Variants in PCTP observed in about 807,000 individuals in gnomAD.
The protein encoded by PCTP is phosphatidylcholine transfer protein.
A neutral mutation model predicts 31.0 loss-of-function variants in PCTP; 27 were observed. The ratio of observed to expected loss-of-function variants is 0.87; its 90% CI spans 0.64 to 1.20. The LOEUF is 1.20. PCTP is among the 50% of genes most tolerant of loss of function. PCTP has a pLI of 0.00. For synonymous variants in PCTP, 108 were observed against 101.2 expected, an observed-to-expected ratio of 1.07 and a Z score of -0.40; for missense variants, 287 against 268.2, an observed-to-expected ratio of 1.07 and a Z score of -0.49.
chr17:55,758,072 G>A (rs1220632126), intron 1 of PCTP, among the ~76,000 whole-genome samples: 5 of 152,166 alleles, frequency 3.3e-5, no homozygotes, highest in African/African-American at 1.2e-4. Flanking sequence ...TTCAGGCTTC[G>A]TTACCATGCC....
chr17:55,782,975 A>G (rs9898247), intron 2 of PCTP, among the ~76,000 whole-genome samples: 6,438 of 152,250 alleles, frequency 0.042, 444 homozygotes, highest in African/African-American at 0.14. Context: ...AAAATATTCT[A>G]AAGTATCTGC....
intron 3 of PCTP, among the ~76,000 whole-genome samples, chr17:55,803,218 A>G (rs1353840482): frequency 4.6e-5 from 7 of 152,192 alleles, no homozygotes; most frequent in Admixed American, 4.6e-4. Flanking sequence ...GAGGACATAA[A>G]CAAATGGAAA....
At chr17:55,851,336 A>G in the PCTP span, among the ~76,000 whole-genome samples, 3 of 152,134 alleles carry the variant, frequency 2.0e-5, no homozygotes, top group African/African-American at 7.2e-5. Context: ...AGAGTTAAAG[A>G]TTTTTTAGAA....
chr17:55,839,593 C>T (rs1905892113), intron 5 of PCTP, among the ~76,000 whole-genome samples: 1 of 152,132 alleles, frequency 6.6e-6, no homozygotes, highest in Non-Finnish European at 1.5e-5. Flanking sequence ...GGGTGCAGGA[C>T]GAGTGTCCTC....
chr17:55,772,220 CTTA>C (rs1438800014), intron 3 of PCTP, among the ~76,000 whole-genome samples: 1 of 152,138 alleles, frequency 6.6e-6, no homozygotes, highest in Non-Finnish European at 1.5e-5. Flanking sequence ...AAGAACTTTA[CTTA>C]TTAGTGTATA....
At chr17:55,767,538 C>T in intron 2 of PCTP, 86 bp downstream of exon 2, 6 of 880,142 alleles carry the variant, frequency 6.8e-6, no homozygotes, top group Non-Finnish European at 1.1e-5. Context: ...GATCTCAGCT[C>T]ACCGCAATCT....
intron 1 of PCTP, among the ~76,000 whole-genome samples, chr17:55,764,168 G>T (rs1910507932): frequency 6.6e-6 from 1 of 152,210 alleles, no homozygotes; most frequent in African/African-American, 2.4e-5. Flanking sequence ...AGGGAACAGT[G>T]TGTTTTAATT....
chr17:55,829,532 A>G (rs1411481435), intron 5 of PCTP, among the ~76,000 whole-genome samples: 1 of 151,910 alleles, frequency 6.6e-6, no homozygotes, highest in Non-Finnish European at 1.5e-5. Flanking sequence ...CTGATCTCAA[A>G]CTCCTCACCT....
chr17:55,773,983 A>G (rs886469421), intron 4 of PCTP, 88 bp downstream of exon 4: 319 of 1,411,240 alleles, frequency 2.3e-4, no homozygotes, highest in Non-Finnish European at 2.9e-4. Context: ...GAGTACATGA[A>G]GCGTATCCCT....
chr17:55,814,005 G>A lies in PCTP; in HGVS notation c.318-8756G>A, dbSNP rs76856613. On this transcript the variant is annotated intron_variant, in intron 3 of 3. Coordinates refer to the PCTP transcript ENST00000572536. ...TGCAGTTATGAGAGATTGAGAGATCGTGTCACTGCACTCCAGCCTGGGTGA... is the reference window on the plus strand; with the variant it reads ...TGCAGTTATGAGAGATTGAGAGATCATGTCACTGCACTCCAGCCTGGGTGA... 5.7e-4 allele frequency among the ~76,000 whole-genome samples: 87 copies of A among 151,656 alleles called. No homozygotes were observed. The East Asian group carries it at 9.3e-3, about 16-fold the overall frequency.
At chr17:55,810,644 G>A (rs1220235237) in intron 3 of PCTP, among the ~76,000 whole-genome samples, 4 of 152,186 alleles carry the variant, frequency 2.6e-5, no homozygotes, top group Non-Finnish European at 4.4e-5. Context: ...TCCAGTTCAT[G>A]AGACTTGTAG....
chr17:55,845,218 T>A (rs904028933), downstream of PCTP, among the ~76,000 whole-genome samples: 1 of 151,990 alleles, frequency 6.6e-6, no homozygotes, highest in African/African-American at 2.4e-5. Flanking sequence ...AGAGCAGGGT[T>A]CCCTTTTAGC....
chr17:55,837,274 C>T (rs944130710), intron 5 of PCTP, among the ~76,000 whole-genome samples: 15 of 152,076 alleles, frequency 9.9e-5, no homozygotes, highest in African/African-American at 3.6e-4. Flanking sequence ...ACAATGGCAA[C>T]CTAAATGGGT....
At chr17:55,779,675 C>T (rs1251602576), downstream of PCTP, among the ~76,000 whole-genome samples, 1 of 152,128 alleles carries the variant, frequency 6.6e-6, no homozygotes, top group Non-Finnish European at 1.5e-5. Flanking sequence ...TTCTTAACAC[C>T]ATTCATTTTT....
intron 3 of PCTP, among the ~76,000 whole-genome samples, chr17:55,789,261 C>G (rs1311159485): frequency 1.3e-5 from 2 of 152,128 alleles, no homozygotes; most frequent in African/African-American, 4.8e-5. Context: ...TCTCTTTCCT[C>G]TTTGAAAAAT....
intron 3 of PCTP, among the ~76,000 whole-genome samples, chr17:55,802,419 C>A (rs987130509): frequency 2.0e-5 from 3 of 151,606 alleles, no homozygotes; most frequent in East Asian, 3.9e-4. Context: ...ACAACAACAA[C>A]AAAAAACTTT....
At chr17:55,755,126 T>C (rs1184015730) in intron 1 of PCTP, among the ~76,000 whole-genome samples, 5 of 152,142 alleles carry the variant, frequency 3.3e-5, no homozygotes, top group African/African-American at 1.2e-4. Flanking sequence ...TCTATGGAAA[T>C]GGATCTGAGA....
chr17:55,758,917 C>T (rs1385138255), intron 1 of PCTP, among the ~76,000 whole-genome samples: 1 of 152,186 alleles, frequency 6.6e-6, no homozygotes, highest in African/African-American at 2.4e-5. Flanking sequence ...AAGCTTTATG[C>T]TCTCACTCTG....
intron 3 of PCTP, among the ~76,000 whole-genome samples, chr17:55,804,995 A>C (rs534281329): frequency 6.6e-6 from 1 of 152,294 alleles, no homozygotes; most frequent in African/African-American, 2.4e-5. Flanking sequence ...AAGGTAGAAC[A>C]ACCATGCATT....
Sources: gnomAD v4.1 joint callset for allele counts (sites outside exome capture counted in the v4.1 genomes callset) on GRCh38, gnomAD v4.1.1 for gene constraint, MANE v1.5 for transcripts, NCBI Gene and HGNC (gene_info 2026-07-23, HGNC 2026-07-21) for gene names.